The following SRGAP1 variants were observed in gnomAD, a reference collection of about 807,000 sequenced individuals.
SRGAP1 encodes the protein SLIT-ROBO Rho GTPase activating protein 1.
A neutral mutation model predicts 121.9 loss-of-function variants in SRGAP1; 43 were observed. That is an observed-to-expected ratio of 0.35 (90% CI 0.28 to 0.46). The LOEUF (loss-of-function observed/expected upper bound fraction) is 0.46. Among genes scored for constraint, SRGAP1 ranks in the 20% least tolerant of loss-of-function variants. The probability of loss-of-function intolerance (pLI) is 1.00; values close to 1 mark genes in which losing one functional copy is unlikely to be tolerated. For missense variants in SRGAP1, 1,102 were observed against 1,350.9 expected, an observed-to-expected ratio of 0.82 and a Z score of 2.89; for synonymous variants, 447 against 485.4, an observed-to-expected ratio of 0.92 and a Z score of 1.04.
chr12:63,985,461 G>T (rs1216283645), intron 2 of SRGAP1, among the ~76,000 whole-genome samples: 1 of 152,184 alleles, frequency 6.6e-6, no homozygotes, highest in African/African-American at 2.4e-5. Flanking sequence ...AACACTGCAG[G>T]TAGAGAGAAG....
intron 3 of SRGAP1, among the ~76,000 whole-genome samples, chr12:63,999,435 A>G (rs1023977486): frequency 6.6e-6 from 1 of 152,194 alleles, no homozygotes; most frequent in Non-Finnish European, 1.5e-5. Context: ...TCTTGGAACT[A>G]ATCCAGATGA....
intron 4 of SRGAP1, among the ~76,000 whole-genome samples, chr12:64,039,481 C>A (rs1011958642): frequency 1.3e-5 from 2 of 152,082 alleles, no homozygotes; most frequent in African/African-American, 4.8e-5. Flanking sequence ...GTCAGAAGTT[C>A]AGATTTTTTC....
intron 3 of SRGAP1, among the ~76,000 whole-genome samples, chr12:64,007,109 C>T (rs566313382): frequency 1.3e-5 from 2 of 152,220 alleles, no homozygotes; most frequent in Admixed American, 1.3e-4. Context: ...TTAGCTTCAA[C>T]CCCTTGAAAT....
At chr12:63,885,789 T>C (rs1245502984) in intron 1 of SRGAP1, among the ~76,000 whole-genome samples, 2 of 152,196 alleles carry the variant, frequency 1.3e-5, no homozygotes, top group Non-Finnish European at 2.9e-5. Context: ...CTATAACAAA[T>C]GACTGCACCA....
intron 1 of SRGAP1, among the ~76,000 whole-genome samples, chr12:63,870,461 T>G (rs1310603406): frequency 6.6e-6 from 1 of 152,106 alleles, no homozygotes; most frequent in African/African-American, 2.4e-5. Flanking sequence ...TAAGAATCAC[T>G]GTGTCAGCTC....
chr12:64,067,278 T>A (rs1425346803), intron 8 of SRGAP1, among the ~76,000 whole-genome samples: 2 of 152,224 alleles, frequency 1.3e-5, no homozygotes, highest in Non-Finnish European at 2.9e-5. Context: ...TTGTGAGGGT[T>A]AATTTTTAAA....
At chr12:64,098,991 AT>A (rs1279932393) in intron 15 of SRGAP1, among the ~76,000 whole-genome samples, 2 of 152,124 alleles carry the variant, frequency 1.3e-5, no homozygotes, top group Non-Finnish European at 2.9e-5. Flanking sequence ...CTCTCCCATT[AT>A]TCTATTGGGT....
chr12:63,999,130 C>G (rs112337531), intron 3 of SRGAP1, among the ~76,000 whole-genome samples: 5 of 152,264 alleles, frequency 3.3e-5, no homozygotes, highest in African/African-American at 1.2e-4. Context: ...GCAGAAAACT[C>G]TTCCAGGAAG....
intron 19 of SRGAP1, among the ~76,000 whole-genome samples, chr12:64,127,227 G>A (rs1339066054): frequency 6.6e-6 from 1 of 152,180 alleles, no homozygotes; most frequent in Non-Finnish European, 1.5e-5. Flanking sequence ...AGCAACACGT[G>A]ACTGTAGTAT....
At chr12:64,074,290 A>C (rs2035695668) in intron 8 of SRGAP1, among the ~76,000 whole-genome samples, 2 of 152,192 alleles carry the variant, frequency 1.3e-5, no homozygotes, top group South Asian at 4.1e-4. Flanking sequence ...ATTGTTCATC[A>C]ACTCAGGGAT....
In SRGAP1 at chr12:64,144,518, T is replaced by G. The variant is rs1315416148; in HGVS notation, c.*1846T>G. ...GATTAAATTGATGAGATATTGTTAC[T>G]TTCAGAGTCACACTGCTGATTGCTT... On this transcript the variant is annotated 3_prime_UTR_variant, in exon 22 of 22. Coordinates refer to ENST00000355086, the MANE Select transcript of SRGAP1 (RefSeq NM_020762.4). 6.6e-6 allele frequency: 1 copy of G among 152,216 alleles called. No individual in the cohort carries two copies. The highest frequency in any genetic ancestry group is 2.4e-5 in the African/African-American group (1 of 41,452). The allele number at this position is 152,216 out of a possible 1,614,324, so 9.4% of individuals were successfully genotyped here.
chr12:63,946,541 CTTTT>C (rs35628309), intron 1 of SRGAP1, among the ~76,000 whole-genome samples: 9 of 138,548 alleles, frequency 6.5e-5, no homozygotes, highest in Admixed American at 7.2e-5. Flanking sequence ...CTTTTGTATT[CTTTT>C]TTTTTTTTTT....
At chr12:63,932,004 T>C (rs1266983147) in intron 1 of SRGAP1, among the ~76,000 whole-genome samples, 1 of 152,144 alleles carries the variant, frequency 6.6e-6, no homozygotes, top group Non-Finnish European at 1.5e-5. Context: ...AGAGTTTGGA[T>C]AGATTATCTA....
intron 1 of SRGAP1, among the ~76,000 whole-genome samples, chr12:63,905,659 T>A (rs1215193612): frequency 6.6e-6 from 1 of 152,178 alleles, no homozygotes; most frequent in Non-Finnish European, 1.5e-5. Flanking sequence ...ATGTAAGCCA[T>A]GAACAGAAGT....
At chr12:64,034,010 A>T (rs1171489889) in intron 4 of SRGAP1, among the ~76,000 whole-genome samples, 1 of 152,194 alleles carries the variant, frequency 6.6e-6, no homozygotes, top group Non-Finnish European at 1.5e-5. Flanking sequence ...GCCTGGTGAC[A>T]GAGTGAGACT....
chr12:64,132,800 G>A (rs572556841), intron 21 of SRGAP1, among the ~76,000 whole-genome samples: 7 of 152,346 alleles, frequency 4.6e-5, no homozygotes, highest in Non-Finnish European at 8.8e-5. Flanking sequence ...AGGTCTCTCC[G>A]AGTAAGATTA....
intron 8 of SRGAP1, among the ~76,000 whole-genome samples, chr12:64,072,677 A>G (rs1447904348): frequency 6.6e-6 from 1 of 152,106 alleles, no homozygotes; most frequent in African/African-American, 2.4e-5. Flanking sequence ...CCTGCAAACC[A>G]ACACCTCGAT....
intron 4 of SRGAP1, among the ~76,000 whole-genome samples, chr12:64,018,334 G>T (rs911076052): frequency 1.3e-5 from 2 of 151,994 alleles, no homozygotes; most frequent in Non-Finnish European, 2.9e-5. Flanking sequence ...CATGTGATCC[G>T]CCCATCTCAG....
chr12:64,029,674 A>G (rs2034730341), intron 4 of SRGAP1, among the ~76,000 whole-genome samples: 1 of 152,184 alleles, frequency 6.6e-6, no homozygotes. Context: ...CTAATATTGC[A>G]AGATTGTTAG....
Sources: gnomAD v4.1 joint callset for allele counts (sites outside exome capture counted in the v4.1 genomes callset) on GRCh38, gnomAD v4.1.1 for gene constraint, MANE v1.5 for transcripts, NCBI Gene and HGNC (gene_info 2026-07-23, HGNC 2026-07-21) for gene names.